DNMT1: variants seen among roughly 807,000 people sequenced by gnomAD.
The protein encoded by DNMT1 is DNA (cytosine-5)-methyltransferase 1.
DNMT1 carries 24 observed loss-of-function variants against 205.3 expected under a neutral mutation model. The observed-to-expected ratio is 0.12, with a 90% CI of 0.08 to 0.16. DNMT1 has a LOEUF of 0.16. Among genes scored for constraint, DNMT1 ranks in the 10% least tolerant of loss-of-function variants. The pLI, the probability that DNMT1 is intolerant of heterozygous loss-of-function variation, is 1.00. For synonymous variants in DNMT1, 817 were observed against 839.8 expected, an observed-to-expected ratio of 0.97 and a Z score of 0.47; for missense variants, 1,293 against 2,177.7, an observed-to-expected ratio of 0.59 and a Z score of 8.09.
rs760064256 is a variant in DNMT1, at chr19:10,159,881, G to A, written c.1131C>T (p.Asp377=). ...GCTGCCCATATTTGAGGTCAGGGTC[G>A]TCCAGGTACTGCCCGCACTGAATGC... ...PKCIQCGQYL[D]DPDLKYGQHP... is the part of the protein sequence containing the mutation. Residue 377 remains aspartate, a synonymous_variant, in exon 16 of 41, where the codon GAC becomes GAT. Coordinates refer to ENST00000359526, the MANE Select transcript of DNMT1 (RefSeq NM_001130823.3). This position sits in a 1 kb window ranked among gnomAD's most constrained non-coding sequence, Gnocchi z 5.0. 24 of 1,614,050 alleles carry A rather than the reference G, an allele frequency of 1.5e-5. No homozygotes were observed. The highest frequency in any genetic ancestry group is 4.5e-5 in the East Asian group (2 of 44,894).
At chr19:10,189,029 A>G (rs951097364) in intron 1 of DNMT1, among the ~76,000 whole-genome samples, 24 of 152,336 alleles carry the variant, frequency 1.6e-4, no homozygotes, top group Non-Finnish European at 3.5e-4. Context: ...TCTGACCTGC[A>G]TAAGGTAATA....
rs1018315612 is a variant in DNMT1, at chr19:10,149,144, T to C, written c.2587-127A>G. 3.0e-6 allele frequency: 4 copies of C among 1,317,546 alleles called. No homozygotes were observed. In the Admixed American group the frequency reaches 8.0e-5, roughly 26 times the overall value. The allele number at this position is 1,317,546 out of a possible 1,614,324, so 81.6% of individuals were successfully genotyped here. On this transcript the variant is annotated intron_variant, in intron 26 of 40. Transcript: ENST00000359526. Reference sequence around the variant, plus strand: ...TTCGAGACCAGCCTGGCCAACATGGTGAAACCCCGTCTCTACTAAAAATAC... The same window carrying C: ...TTCGAGACCAGCCTGGCCAACATGGCGAAACCCCGTCTCTACTAAAAATAC...
chr19:10,141,037 G>A, intron 31 of DNMT1, 68 bp downstream of exon 31: 52 of 1,612,648 alleles, frequency 3.2e-5, no homozygotes, highest in Non-Finnish European at 4.3e-5. Flanking sequence ...GTTTTACACT[G>A]AGGGATTCAC....
intron 1 of DNMT1, among the ~76,000 whole-genome samples, chr19:10,194,202 A>C (rs1158256256): frequency 6.6e-6 from 1 of 152,216 alleles, no homozygotes; most frequent in Non-Finnish European, 1.5e-5. Context: ...GACTTTCCCA[A>C]GGAGCAAGAA....
intron 1 of DNMT1, among the ~76,000 whole-genome samples, chr19:10,186,876 C>T (rs1378805275): frequency 6.9e-6 from 1 of 144,304 alleles, no homozygotes; most frequent in South Asian, 2.3e-4. Context: ...TATAAACAAC[C>T]ACAGAGGAAT....
chr19:10,153,713 AAT>A (rs2038397220), intron 22 of DNMT1, among the ~76,000 whole-genome samples: 1 of 152,160 alleles, frequency 6.6e-6, no homozygotes, highest in Non-Finnish European at 1.5e-5. Context: ...AGAAAAATAA[AAT>A]AAAACCAAAA....
At chr19:10,135,212 CA>C (rs34374135) in intron 39 of DNMT1, among the ~76,000 whole-genome samples, 15,981 of 108,322 alleles carry the variant, frequency 0.15, 1,388 homozygotes, top group East Asian at 0.44. Context: ...AGCTCCATCT[CA>C]AAAAAAAAAA....
intron 39 of DNMT1, 97 bp from the exon 40 acceptor site, chr19:10,134,404 C>A: frequency 9.0e-7 from 1 of 1,111,722 alleles, no homozygotes; most frequent in Non-Finnish European, 1.3e-6. Flanking sequence ...GGAGGACAAC[C>A]TGGGCATTGC....
At position 10,155,159 on chromosome 19, in the gene DNMT1, A is replaced by T. The variant is rs914826253; in HGVS notation, c.1493-103T>A. ...CTACCAAACTCACCCAACAGTCTAA[A>T]AGTCATCCCGTACCCAAATGTCAGA... On this transcript the variant is annotated intron_variant, in intron 19 of 40. Coordinates refer to ENST00000359526, the MANE Select transcript of DNMT1 (RefSeq NM_001130823.3). 30 of 1,474,548 alleles carry T rather than the reference A, an allele frequency of 2.0e-5. No homozygotes were observed. The African/African-American group carries it at 3.6e-4, about 18-fold the overall frequency. The allele number at this position is 1,474,548 out of a possible 1,614,324, so 91.3% of individuals were successfully genotyped here.
At chr19:10,190,496 C>T (rs1170041727) in intron 1 of DNMT1, among the ~76,000 whole-genome samples, 1 of 152,120 alleles carries the variant, frequency 6.6e-6, no homozygotes, top group Non-Finnish European at 1.5e-5. Context: ...GGCACGGTGG[C>T]TCATGCCTGT....
At chr19:10,155,109 C>T in intron 19 of DNMT1, 53 bp from the exon 20 acceptor site, 1 of 1,610,012 alleles carries the variant, frequency 6.2e-7, no homozygotes, top group Non-Finnish European at 8.5e-7. Context: ...ATGGCGCCTA[C>T]AGTGGCCACA....
chr19:10,179,575 G>A (rs2039003219), intron 5 of DNMT1, among the ~76,000 whole-genome samples: 1 of 152,092 alleles, frequency 6.6e-6, no homozygotes, highest in South Asian at 2.1e-4. Flanking sequence ...AGCTAGTTAG[G>A]AAGTGTCCAG....
At chr19:10,148,746 G>A in intron 27 of DNMT1, 138 bp downstream of exon 27, 1 of 1,456,648 alleles carries the variant, frequency 6.9e-7, no homozygotes. Context: ...ATCATTCATA[G>A]TCAGGCTGGC....
Position 10,144,001 on chromosome 19 carries a change from C to G in DNMT1, c.2895-14G>C, listed in dbSNP as rs1379447142. On this transcript the variant is annotated splice_polypyrimidine_tract_variant and intron_variant, in intron 28 of 40. Transcript: ENST00000359526. The stretch of plus-strand genomic sequence containing the variant: ...GACAGCTTGATGCTGCAGAGAAGCA[C>G]CCACTTGACATCAATGAACCTTCCA... 6.2e-7 allele frequency: 1 copy of G among 1,612,848 alleles called. No individual in the cohort carries two copies. The highest frequency in any genetic ancestry group is 1.3e-5 in the African/African-American group (1 of 74,882).
At chr19:10,139,866 A>T (rs1429177102) in intron 33 of DNMT1, 49 bp from the exon 34 acceptor site, 3 of 1,558,978 alleles carry the variant, frequency 1.9e-6, no homozygotes, top group Non-Finnish European at 2.6e-6. Context: ...AGACAGAGGG[A>T]AGAAACGACC....
chr19:10,185,686 G>A (rs2039164337), intron 1 of DNMT1, among the ~76,000 whole-genome samples: 1 of 151,670 alleles, frequency 6.6e-6, no homozygotes, highest in Non-Finnish European at 1.5e-5. Context: ...AAAATTAGCT[G>A]GGTGTGGTTA....
chr19:10,190,546 T>C (rs1015411506), intron 1 of DNMT1, among the ~76,000 whole-genome samples: 4 of 152,138 alleles, frequency 2.6e-5, no homozygotes, highest in African/African-American at 4.8e-5. Flanking sequence ...GCGAATCACT[T>C]GAGTCCAGGA....
At chr19:10,188,872 C>T (rs2039245815) in intron 1 of DNMT1, among the ~76,000 whole-genome samples, 1 of 152,152 alleles carries the variant, frequency 6.6e-6, no homozygotes, top group African/African-American at 2.4e-5. Context: ...CAGTTTAGAA[C>T]CAGTGAAGAA....
intron 1 of DNMT1, among the ~76,000 whole-genome samples, chr19:10,192,243 GC>G (rs1246571954): frequency 6.6e-6 from 1 of 151,760 alleles, no homozygotes; most frequent in Non-Finnish European, 1.5e-5. Flanking sequence ...CCATGACTGT[GC>G]CACTGCATTC....
Sources: allele counts gnomAD v4.1 joint callset (sites outside exome capture counted in the v4.1 genomes callset), GRCh38; gene constraint gnomAD v4.1.1; non-coding constraint Gnocchi (gnomAD v3.1); transcripts MANE v1.5; gene names NCBI Gene and HGNC (gene_info 2026-07-23, HGNC 2026-07-21).